The following NCAM1 variants were observed in gnomAD, a reference collection of about 807,000 sequenced individuals.
The protein encoded by NCAM1 is neural cell adhesion molecule 1, also known as antigen recognized by monoclonal antibody 5.1H11.
NCAM1 carries 14 observed loss-of-function variants against 109.8 expected under a neutral mutation model. The observed-to-expected ratio is 0.13, with a 90% CI of 0.08 to 0.20. The LOEUF (loss-of-function observed/expected upper bound fraction) is 0.20, where lower values mean the gene tolerates loss of function less well. Ranked by LOEUF, NCAM1 falls within the 10% of genes least tolerant of loss-of-function variation. The pLI, the probability that NCAM1 is intolerant of heterozygous loss-of-function variation, is 1.00. For missense variants in NCAM1, 774 were observed against 1,109.9 expected (o/e 0.70, Z 4.30); for synonymous variants, 418 against 442.9 (o/e 0.94, Z 0.70).
chr11:113,135,241 C>T (rs1354928185), intron 1 of NCAM1, among the ~76,000 whole-genome samples: 1 of 152,068 alleles, frequency 6.6e-6, no homozygotes, highest in African/African-American at 2.4e-5. Context: ...TGGGGTTCAC[C>T]TTCAGATAGC....
chr11:113,219,298 C>T (rs537276025), intron 8 of NCAM1, among the ~76,000 whole-genome samples: 8 of 152,172 alleles, frequency 5.3e-5, no homozygotes, highest in Non-Finnish European at 1.0e-4. Context: ...TCATTCAGTA[C>T]AAACCCAGGG....
chr11:113,242,955 G>T, intron 14 of NCAM1: 4 of 1,587,680 alleles, frequency 2.5e-6, no homozygotes, highest in Non-Finnish European at 3.4e-6. Context: ...AAAAGCAACA[G>T]TTGTGAATGC....
At chr11:113,166,473 C>G (rs1942803151) in intron 1 of NCAM1, among the ~76,000 whole-genome samples, 1 of 152,222 alleles carries the variant, frequency 6.6e-6, no homozygotes, top group Non-Finnish European at 1.5e-5. Context: ...GTCATTTTAA[C>G]CTTTCTCAGC....
At chr11:113,104,701 A>G (rs1940072078) in intron 1 of NCAM1, among the ~76,000 whole-genome samples, 1 of 152,146 alleles carries the variant, frequency 6.6e-6, no homozygotes, top group Non-Finnish European at 1.5e-5. Flanking sequence ...TAGCCTTATA[A>G]TTACTGATCT....
intron 1 of NCAM1, among the ~76,000 whole-genome samples, chr11:113,080,166 A>G (rs1325258712): frequency 2.6e-5 from 4 of 152,184 alleles, no homozygotes; most frequent in Non-Finnish European, 2.9e-5. Flanking sequence ...CACTTATATA[A>G]TAATGAAAAG....
At chr11:113,036,054 A>G (rs1365935156) in intron 1 of NCAM1, among the ~76,000 whole-genome samples, 1 of 151,738 alleles carries the variant, frequency 6.6e-6, no homozygotes, top group Admixed American at 6.6e-5. Flanking sequence ...GAAGTCTCCA[A>G]TCTCAGGGAG....
At chr11:112,975,132 G>A (rs546998732) in intron 1 of NCAM1, among the ~76,000 whole-genome samples, 2 of 152,112 alleles carry the variant, frequency 1.3e-5, no homozygotes, top group South Asian at 4.1e-4. Context: ...ACAATTTAAA[G>A]AGTTTTGAGG....
chr11:113,168,975 G>T (rs1433455497), intron 1 of NCAM1, among the ~76,000 whole-genome samples: 1 of 151,794 alleles, frequency 6.6e-6, no homozygotes, highest in Non-Finnish European at 1.5e-5. Flanking sequence ...GTGGAGGCAG[G>T]ATGTAAATGT....
At chr11:113,085,263 A>G (rs1211579350) in intron 1 of NCAM1, among the ~76,000 whole-genome samples, 1 of 152,214 alleles carries the variant, frequency 6.6e-6, no homozygotes, top group African/African-American at 2.4e-5. Flanking sequence ...ATCTTCTGTT[A>G]AGTGAGACCC....
intron 14 of NCAM1, 56 bp downstream of exon 14, chr11:113,235,220 A>C (rs1018470171): frequency 1.2e-6 from 2 of 1,613,114 alleles, no homozygotes; most frequent in African/African-American, 1.3e-5. Flanking sequence ...CCCTGGGGGC[A>C]GTGGGGAACC....
rs369353202 is a variant in NCAM1 at position 113,231,640 on chromosome 11, G to A, written c.1090-5G>A. The A allele has an allele frequency of 8.4e-5, 73 of 872,790 alleles. No homozygotes were observed. Among genetic ancestry groups the A allele is most frequent in the African/African-American group, 7.4e-4 (42 of 57,132 alleles). The allele number at this position is 872,790 out of a possible 1,614,324, so 54.1% of individuals were successfully genotyped here. ...ACATGCTCCCTTCCCCCCCACCCCC[G>A]GCAGACTCTGGATGGGCACATGGTG... On this transcript the variant is annotated splice_polypyrimidine_tract_variant and splice_region_variant and intron_variant, in intron 9 of 19. Coordinates refer to ENST00000316851, the MANE Select transcript of NCAM1 (RefSeq NM_181351.5).
intron 14 of NCAM1, among the ~76,000 whole-genome samples, chr11:113,237,860 A>G (rs1945208045): frequency 1.5e-5 from 1 of 65,508 alleles, no homozygotes; most frequent in Non-Finnish European, 3.5e-5. Context: ...GAGACCATAT[A>G]TATAGATATA....
intron 1 of NCAM1, among the ~76,000 whole-genome samples, chr11:113,193,488 A>G (rs1160249313): frequency 1.3e-5 from 2 of 152,058 alleles, no homozygotes; most frequent in African/African-American, 4.8e-5. Context: ...TCTACAAATA[A>G]TACAGAAATT....
chr11:113,206,779 G>C (rs1171254485), intron 5 of NCAM1, among the ~76,000 whole-genome samples: 1 of 152,088 alleles, frequency 6.6e-6, no homozygotes, highest in Non-Finnish European at 1.5e-5. Context: ...TTTTGTACAA[G>C]GTTGTTTATC....
At chr11:113,176,818 C>T (rs1943161363) in intron 1 of NCAM1, among the ~76,000 whole-genome samples, 1 of 152,038 alleles carries the variant, frequency 6.6e-6, no homozygotes, top group African/African-American at 2.4e-5. Context: ...ACAAGAAATG[C>T]TTTCCAAATG....
intron 1 of NCAM1, among the ~76,000 whole-genome samples, chr11:113,037,611 T>C (rs2135398340): frequency 6.6e-6 from 1 of 152,342 alleles, no homozygotes; most frequent in East Asian, 1.9e-4. Flanking sequence ...TTGTTTAGTG[T>C]TGAGTTCTTG....
At chr11:113,128,906 GGTGTGTGTGTGTGTGTGT>G (rs782123739) in intron 1 of NCAM1, among the ~76,000 whole-genome samples, 17 of 84,836 alleles carry the variant, frequency 2.0e-4, no homozygotes, top group African/African-American at 5.2e-4. Flanking sequence ...AAGTTGTGAG[GGTGTGTGTGTGTGTGTGT>G]GTGTGTGTGT....
chr11:113,147,974 C>G lies in NCAM1; in HGVS notation c.53-54405C>G, dbSNP rs113136193. ...GTGCCAGTTAGAGTTTTATAAAATA[C>G]TATGTGTGAAAACACTTTAAAAATG... On this transcript the variant is annotated intron_variant, in intron 1 of 19. Transcript: ENST00000316851. Among the ~76,000 whole-genome samples, 1,343 of 152,268 alleles carry G rather than the reference C, an allele frequency of 8.8e-3. 19 individuals carry two copies. Among genetic ancestry groups the G allele is most frequent in the African/African-American group, 0.031 (1,272 of 41,542 alleles).
intron 1 of NCAM1, among the ~76,000 whole-genome samples, chr11:113,188,596 C>T (rs1179660798): frequency 1.3e-5 from 2 of 152,134 alleles, no homozygotes; most frequent in East Asian, 3.9e-4. Flanking sequence ...GCTGTCAGTC[C>T]AATTTGGAAT....
Sources: allele counts gnomAD v4.1 joint callset (sites outside exome capture counted in the v4.1 genomes callset), GRCh38; gene constraint gnomAD v4.1.1; transcripts MANE v1.5; gene names NCBI Gene and HGNC (gene_info 2026-07-23, HGNC 2026-07-21).